ROBO2: variants seen among roughly 807,000 people sequenced by gnomAD.
The protein encoded by ROBO2 is roundabout homolog 2.
In ROBO2, 53 loss-of-function variants were observed where a neutral mutation model predicts 160.8. The observed-to-expected ratio is 0.33, with a 90% CI of 0.26 to 0.41. The LOEUF (loss-of-function observed/expected upper bound fraction) is 0.41, where lower values mean the gene tolerates loss of function less well. Ranked by LOEUF, ROBO2 falls within the 10% of genes least tolerant of loss-of-function variation. The probability of loss-of-function intolerance (pLI) is 1.00; values close to 1 mark genes in which losing one functional copy is unlikely to be tolerated. For missense variants in ROBO2, 1,577 were observed against 1,722.4 expected (o/e 0.92, Z 1.49); for synonymous variants, 664 against 611.7 (o/e 1.09, Z -1.26).
At chr3:76,003,372 G>A (rs942281420) in intron 2 of ROBO2, among the ~76,000 whole-genome samples, 7 of 152,128 alleles carry the variant, frequency 4.6e-5, no homozygotes, top group African/African-American at 1.7e-4. Context: ...GATGTCAACA[G>A]GGCCCCAATG....
At chr3:75,977,162 A>T (rs1440770464) in intron 2 of ROBO2, among the ~76,000 whole-genome samples, 2 of 151,624 alleles carry the variant, frequency 1.3e-5, no homozygotes, top group Admixed American at 6.6e-5. Context: ...CAGATCAAAC[A>T]CTTAACGAAG....
intron 2 of ROBO2, among the ~76,000 whole-genome samples, chr3:76,344,164 G>A (rs903589991): frequency 4.6e-5 from 7 of 151,982 alleles, no homozygotes; most frequent in Non-Finnish European, 1.0e-4. Flanking sequence ...TAATTTATTT[G>A]TTTGAGTTAA....
chr3:76,626,205 G>A lies in ROBO2; in HGVS notation c.110-471809G>A, dbSNP rs116851102. ...ACACTGTCATAAAATGGTTTTGAGG[G>A]AGAAGATCAGGAGTCAGGGTTTTAG... On this transcript the variant is annotated intron_variant, in intron 2 of 26. Transcript: ENST00000487694. Among the ~76,000 whole-genome samples, 100 of 152,284 alleles carry A rather than the reference G, an allele frequency of 6.6e-4. No individual in the cohort carries two copies. The East Asian group carries it at 0.015, about 24-fold the overall frequency.
At chr3:77,551,023 A>G (rs769476774) in intron 8 of ROBO2, 34 bp downstream of exon 9, 15 of 1,608,006 alleles carry the variant, frequency 9.3e-6, no homozygotes, top group Non-Finnish European at 1.3e-5. Flanking sequence ...TCTTATGAAA[A>G]CATTGATTTT....
chr3:77,010,849 C>T (rs57167956), intron 2 of ROBO2, among the ~76,000 whole-genome samples: 10,022 of 46,402 alleles, frequency 0.22, 528 homozygotes, highest in East Asian at 0.43. Context: ...TCCCTCCCTC[C>T]CTCTCTCCCT....
intron 2 of ROBO2, among the ~76,000 whole-genome samples, chr3:76,050,041 A>T (rs895923158): frequency 4.6e-5 from 7 of 152,124 alleles, no homozygotes; most frequent in African/African-American, 1.7e-4. Context: ...ATGAGTGTCA[A>T]CTTGATTGGA....
At chr3:76,095,492 G>T (rs1345552487) in intron 2 of ROBO2, among the ~76,000 whole-genome samples, 1 of 151,986 alleles carries the variant, frequency 6.6e-6, no homozygotes, top group Non-Finnish European at 1.5e-5. Context: ...CTGACCACTA[G>T]TTATAAATAA....
intron 2 of ROBO2, among the ~76,000 whole-genome samples, chr3:76,191,623 A>C (rs1455117344): frequency 1.3e-5 from 2 of 152,062 alleles, no homozygotes; most frequent in Non-Finnish European, 2.9e-5. Context: ...TATAAAATTA[A>C]TTTCCTGCTT....
At chr3:77,587,902 C>G (rs373500033) in intron 16 of ROBO2, among the ~76,000 whole-genome samples, 1 of 151,978 alleles carries the variant, frequency 6.6e-6, no homozygotes, top group Non-Finnish European at 1.5e-5. Context: ...GCTAAATAAG[C>G]CAATAAATCT....
chr3:77,517,963 A>G (rs576785988), intron 5 of ROBO2, among the ~76,000 whole-genome samples: 1 of 151,490 alleles, frequency 6.6e-6, no homozygotes, highest in Non-Finnish European at 1.5e-5. Flanking sequence ...CTCTGAATAA[A>G]GGGGATTATT....
At chr3:76,834,062 T>TTTCCTTTC (rs368797764) in intron 2 of ROBO2, among the ~76,000 whole-genome samples, 4 of 88,012 alleles carry the variant, frequency 4.5e-5, no homozygotes, top group African/African-American at 1.4e-4. Flanking sequence ...CCTTTCTTTC[T>TTTCCTTTC]TTTCTTTCTT....
At chr3:77,409,802 A>G (rs937488757) in intron 2 of ROBO2, among the ~76,000 whole-genome samples, 5 of 152,154 alleles carry the variant, frequency 3.3e-5, no homozygotes, top group East Asian at 1.9e-4. Flanking sequence ...TATCTAGCTC[A>G]TATTTCCAAT....
intron 2 of ROBO2, among the ~76,000 whole-genome samples, chr3:77,239,221 C>T (rs1025534711): frequency 6.6e-6 from 1 of 152,104 alleles, no homozygotes; most frequent in African/African-American, 2.4e-5. Context: ...GGAGTTTCTT[C>T]CTTCTGTTGG....
At chr3:77,324,787 GA>G (rs34331921) in intron 2 of ROBO2, among the ~76,000 whole-genome samples, 20,590 of 96,876 alleles carry the variant, frequency 0.21, 2,109 homozygotes, top group African/African-American at 0.39. Flanking sequence ...GTCTCAAAAA[GA>G]AAAAAAAAAA....
chr3:76,722,493 A>G (rs1042990155), intron 2 of ROBO2, among the ~76,000 whole-genome samples: 23 of 152,182 alleles, frequency 1.5e-4, no homozygotes, highest in African/African-American at 5.3e-4. Flanking sequence ...CTTAAAGTAC[A>G]CAATTTAGTG....
At chr3:77,200,514 A>G (rs1247495699) in intron 2 of ROBO2, among the ~76,000 whole-genome samples, 1 of 151,726 alleles carries the variant, frequency 6.6e-6, no homozygotes, top group Non-Finnish European at 1.5e-5. Context: ...AAGTTTTCCA[A>G]AAACAATATT....
At chr3:76,123,405 A>G (rs748861279) in intron 2 of ROBO2, among the ~76,000 whole-genome samples, 4 of 152,124 alleles carry the variant, frequency 2.6e-5, no homozygotes, top group Non-Finnish European at 4.4e-5. Flanking sequence ...TCAAGACTAA[A>G]GTTTTTCTAC....
At chr3:76,107,783 A>G (rs2070013589) in intron 2 of ROBO2, among the ~76,000 whole-genome samples, 1 of 152,094 alleles carries the variant, frequency 6.6e-6, no homozygotes, top group Non-Finnish European at 1.5e-5. Flanking sequence ...CTGTTACAAA[A>G]TGTTTCCTCT....
intron 2 of ROBO2, among the ~76,000 whole-genome samples, chr3:77,115,328 G>A (rs570494010): frequency 3.1e-4 from 47 of 152,144 alleles, no homozygotes; most frequent in Non-Finnish European, 6.0e-4. Context: ...GCTTGCACAT[G>A]TACTCAGAAA....
Sources: gnomAD v4.1 joint callset for allele counts (sites outside exome capture counted in the v4.1 genomes callset) on GRCh38, gnomAD v4.1.1 for gene constraint, MANE v1.5 for transcripts, NCBI Gene and HGNC (gene_info 2026-07-23, HGNC 2026-07-21) for gene names.